Variants in FCHO2 observed in about 807,000 individuals in gnomAD.
FCHO2 encodes F-BAR domain only protein 2.
In FCHO2, 43 loss-of-function variants were observed where a neutral mutation model predicts 114.1. That is an observed-to-expected ratio of 0.38 (90% CI 0.30 to 0.49). FCHO2 has a LOEUF of 0.49. Ranked by LOEUF, FCHO2 falls within the 20% of genes least tolerant of loss-of-function variation. The pLI is 0.97. For missense variants in FCHO2, 807 were observed against 950.4 expected (o/e 0.85, Z 1.98); for synonymous variants, 293 against 315.2 (o/e 0.93, Z 0.75).
At chr5:73,054,302 T>C (rs1358856196) in intron 14 of FCHO2, 131 bp downstream of exon 14, 1 of 922,876 alleles carries the variant, frequency 1.1e-6, no homozygotes, top group Non-Finnish European at 1.6e-6. Flanking sequence ...AGATGTTGCT[T>C]TAATATTTTA....
At chr5:73,066,459 T>C (rs2112869297) in intron 18 of FCHO2, among the ~76,000 whole-genome samples, 1 of 152,126 alleles carries the variant, frequency 6.6e-6, no homozygotes, top group South Asian at 2.1e-4. Flanking sequence ...AAAAGTGCAA[T>C]TTATGAACTA....
At chr5:72,981,450 T>C (rs943050950) in intron 2 of FCHO2, among the ~76,000 whole-genome samples, 21 of 152,208 alleles carry the variant, frequency 1.4e-4, no homozygotes, top group African/African-American at 4.8e-4. Context: ...AGGAGTATCT[T>C]TGTGGTGTTC....
At chr5:72,983,086 G>T (rs1489385773) in intron 2 of FCHO2, among the ~76,000 whole-genome samples, 1 of 151,878 alleles carries the variant, frequency 6.6e-6, no homozygotes, top group African/African-American at 2.4e-5. Flanking sequence ...GCTAATTTTT[G>T]TATTTTTAGT....
At chr5:73,071,014 G>A (rs1257598271) in intron 19 of FCHO2, among the ~76,000 whole-genome samples, 1 of 151,872 alleles carries the variant, frequency 6.6e-6, no homozygotes, top group Non-Finnish European at 1.5e-5. Context: ...AAAATATTTC[G>A]TTATCCAACT....
At chr5:73,048,214 C>T (rs1214466148) in intron 11 of FCHO2, among the ~76,000 whole-genome samples, 1 of 151,916 alleles carries the variant, frequency 6.6e-6, no homozygotes, top group South Asian at 2.1e-4. Flanking sequence ...CTTTGGGGGG[C>T]CGAGGTGAGC....
In FCHO2 at chr5:73,020,061, A is replaced by G. The variant is rs534389230; in HGVS notation, c.796+2753A>G. ...CATACTTCTCAGAGAAGTGTTGGTT[A>G]CCAAAAAGCTCCTGGAGAGGCAACA... On this transcript the variant is annotated intron_variant, in intron 8 of 25. Transcript: ENST00000430046. 6.6e-5 allele frequency among the ~76,000 whole-genome samples: 10 copies of G among 152,288 alleles called. No homozygotes were observed. In the South Asian group the frequency reaches 2.1e-3, roughly 32 times the overall value.
intron 2 of FCHO2, among the ~76,000 whole-genome samples, chr5:72,977,735 G>T (rs1752965540): frequency 6.6e-6 from 1 of 152,082 alleles, no homozygotes; most frequent in Admixed American, 6.6e-5. Flanking sequence ...TTTCTTCTAG[G>T]GTTTTTATGG....
intron 6 of FCHO2, among the ~76,000 whole-genome samples, chr5:73,011,501 G>C (rs1755010800): frequency 6.6e-6 from 1 of 151,578 alleles, no homozygotes. Flanking sequence ...TAAAAACTAA[G>C]ACACAAACGC....
chr5:73,007,221 T>C (rs1355973192), intron 6 of FCHO2, among the ~76,000 whole-genome samples: 1 of 152,198 alleles, frequency 6.6e-6, no homozygotes, highest in Admixed American at 6.5e-5. Context: ...GCTTACAATA[T>C]CAAGGGTTTA....
chr5:72,962,785 C>T (rs1404240190), intron 1 of FCHO2, among the ~76,000 whole-genome samples: 1 of 151,852 alleles, frequency 6.6e-6, no homozygotes, highest in Non-Finnish European at 1.5e-5. Context: ...CCCAGCTACT[C>T]AGGAGGCTGA....
At chr5:73,050,618 G>C (rs957083819) in intron 11 of FCHO2, among the ~76,000 whole-genome samples, 5 of 151,994 alleles carry the variant, frequency 3.3e-5, no homozygotes, top group Non-Finnish European at 5.9e-5. Context: ...CACCGGGCCC[G>C]CTTTCTGTGT....
chr5:73,029,588 A>G (rs1215193303), intron 8 of FCHO2, among the ~76,000 whole-genome samples: 4 of 152,214 alleles, frequency 2.6e-5, no homozygotes, highest in Non-Finnish European at 5.9e-5. Context: ...TAGGTCATTT[A>G]TAAAGAAAAG....
Position 73,088,425 on chromosome 5 carries a change from T to C in FCHO2, c.*335T>C. On this transcript the variant is annotated 3_prime_UTR_variant, in exon 26 of 26. Transcript: ENST00000430046. ...TATAGTGTAATATCAGGCCTAAAGT[T>C]TCAGAAGAGCAAGCACAAAGTAATT... The C allele has an allele frequency of 4.4e-6, 1 of 225,852 alleles. No individual in the cohort carries two copies. The highest frequency in any genetic ancestry group is 8.8e-6 in the Non-Finnish European group (1 of 113,864). The allele number at this position is 225,852 out of a possible 1,614,324, so 14.0% of individuals were successfully genotyped here.
At chr5:73,016,239 A>C (rs963955925) in intron 7 of FCHO2, among the ~76,000 whole-genome samples, 2 of 152,052 alleles carry the variant, frequency 1.3e-5, no homozygotes, top group Non-Finnish European at 2.9e-5. Flanking sequence ...ACTTGAGCCC[A>C]GAAGTTTGAG....
At chr5:72,974,989 C>T (rs554535215) in intron 2 of FCHO2, among the ~76,000 whole-genome samples, 53 of 152,172 alleles carry the variant, frequency 3.5e-4, no homozygotes, top group African/African-American at 1.2e-3. Context: ...ATATGAAATT[C>T]GGGGTTGAAA....
At chr5:72,959,582 C>T in intron 1 of FCHO2, among the ~76,000 whole-genome samples, 1 of 152,152 alleles carries the variant, frequency 6.6e-6, no homozygotes, top group Non-Finnish European at 1.5e-5. Context: ...ATTAATTTAA[C>T]TCTTCCCTCT....
intron 2 of FCHO2, among the ~76,000 whole-genome samples, chr5:72,979,424 C>T (rs1753068676): frequency 9.2e-6 from 1 of 109,136 alleles, no homozygotes; most frequent in Admixed American, 1.4e-4. Flanking sequence ...CGGAGTCTCG[C>T]TCTGTCGCCC....
chr5:73,020,799 C>T (rs1490647879), intron 8 of FCHO2: 13 of 940,602 alleles, frequency 1.4e-5, no homozygotes, highest in Non-Finnish European at 2.3e-5. Context: ...CCTGATCAGC[C>T]TCTTGAATGG....
intron 12 of FCHO2, 133 bp downstream of exon 12, chr5:73,051,539 C>T (rs1757335876): frequency 6.7e-6 from 4 of 595,994 alleles, no homozygotes; most frequent in Non-Finnish European, 1.1e-5. Flanking sequence ...TGTCATTTGA[C>T]ATGTTTTTTG....
Sources: allele counts gnomAD v4.1 joint callset (sites outside exome capture counted in the v4.1 genomes callset), GRCh38; gene constraint gnomAD v4.1.1; transcripts MANE v1.5; gene names NCBI Gene and HGNC (gene_info 2026-07-23, HGNC 2026-07-21).